Variants in ARHGAP10 observed in about 807,000 individuals in gnomAD.
The protein encoded by ARHGAP10 is Rho GTPase activating protein 10, also known as rho GTPase-activating protein 10.
In ARHGAP10, 87 loss-of-function variants were observed where a neutral mutation model predicts 108.6. The ratio of observed to expected loss-of-function variants is 0.80; its 90% confidence interval spans 0.67 to 0.96. The LOEUF is 0.96. Ranked by LOEUF, ARHGAP10 falls within the 40% of genes least tolerant of loss-of-function variation. The pLI, the probability that ARHGAP10 is intolerant of heterozygous loss-of-function variation, is 0.00. For synonymous variants in ARHGAP10, 347 were observed against 341.1 expected, an observed-to-expected ratio of 1.02 and a Z score of -0.19; for missense variants, 939 against 954.5, an observed-to-expected ratio of 0.98 and a Z score of 0.21.
At chr4:147,821,518 A>C (rs1266438380) in intron 1 of ARHGAP10, among the ~76,000 whole-genome samples, 2 of 152,172 alleles carry the variant, frequency 1.3e-5, no homozygotes, top group African/African-American at 4.8e-5. Context: ...TATTATTTTT[A>C]AAAATTGCAA....
chr4:147,908,544 T>C (rs1024282828), intron 11 of ARHGAP10, among the ~76,000 whole-genome samples: 3 of 152,238 alleles, frequency 2.0e-5, no homozygotes, highest in Admixed American at 6.5e-5. Flanking sequence ...ATGGGGACAC[T>C]GAAGGGACTG....
intron 14 of ARHGAP10, among the ~76,000 whole-genome samples, chr4:147,945,819 G>A (rs1398049287): frequency 1.3e-5 from 2 of 152,124 alleles, no homozygotes; most frequent in Non-Finnish European, 2.9e-5. Flanking sequence ...TAGACATGCG[G>A]ACACAGTGAA....
Position 147,912,582 on chromosome 4 carries a change from TATATATATATATATATAA to T in ARHGAP10, c.1163-490_1163-473del, listed in dbSNP as rs1736798519. ...ATATATATATATATATATATATATA[TATATATATATATATATAA>T]AATTCCTGTGTATATTATTTAAATA... On this transcript the variant is annotated intron_variant, in intron 12 of 22. Coordinates refer to ENST00000336498, the MANE Select transcript of ARHGAP10 (RefSeq NM_024605.4). Among the ~76,000 whole-genome samples the T allele has an allele frequency of 2.5e-5, 3 of 121,348 alleles. No homozygotes were observed. The South Asian group carries it at 7.3e-4, about 30-fold the overall frequency. The allele number at this position is 121,348 out of a possible 152,430, so 79.6% of individuals were successfully genotyped here.
chr4:148,071,977 T>G lies in ARHGAP10; in HGVS notation c.2273-16T>G. ...TGGGGGCATTTTGTAAAAGTGATTT[T>G]TCTCTTCCTTTTCAGTACAAACCTC... On this transcript the variant is annotated splice_polypyrimidine_tract_variant and intron_variant, in intron 22 of 22. Coordinates refer to ENST00000336498, the MANE Select transcript of ARHGAP10 (RefSeq NM_024605.4). The G allele has an allele frequency of 6.2e-7, 1 of 1,609,172 alleles. No homozygotes were observed. Among genetic ancestry groups the G allele is most frequent in the Non-Finnish European group, 8.5e-7 (1 of 1,177,736 alleles).
At chr4:147,953,978 T>A (rs548890146) in intron 15 of ARHGAP10, among the ~76,000 whole-genome samples, 20 of 152,194 alleles carry the variant, frequency 1.3e-4, no homozygotes, top group Non-Finnish European at 2.2e-4. Context: ...CTTTTCAGAA[T>A]ACTTTCTAAC....
In ARHGAP10 at chr4:148,063,023, C is replaced by G. The variant is rs1374251466; in HGVS notation, c.2028-125C>G. ...GCCCCGGCAGGATGCAGAGAGGACTCTGTCCCTACTGGTCAGGCATGATAG... is the reference window on the plus strand; with the variant it reads ...GCCCCGGCAGGATGCAGAGAGGACTGTGTCCCTACTGGTCAGGCATGATAG... On this transcript the variant is annotated intron_variant, in intron 20 of 22. Transcript: ENST00000336498. 6.6e-6 allele frequency: 8 copies of G among 1,205,460 alleles called. No homozygotes were observed. In the East Asian group the frequency reaches 1.6e-4, roughly 25 times the overall value. The allele number at this position is 1,205,460 out of a possible 1,614,324, so 74.7% of individuals were successfully genotyped here.
chr4:147,822,895 GA>G lies in ARHGAP10; in HGVS notation c.251del (p.Asp84ValfsTer11). ...AAATAATCACTCCTTTCTTCTTACA[GA>G]TGCTTCCTTACGTGAATTTTCAAAT... ...DAVTDDERCI[D>X]ASLREFSNFL... On this transcript the variant is annotated frameshift_variant and splice_region_variant, in exon 3 of 23. Transcript: ENST00000336498. LOFTEE classifies it high-confidence loss of function. 1 of 1,614,014 alleles carries G rather than the reference GA, an allele frequency of 6.2e-7. No individual in the cohort carries two copies.
chr4:147,962,223 C>T (rs1739025653), intron 16 of ARHGAP10, among the ~76,000 whole-genome samples: 1 of 152,226 alleles, frequency 6.6e-6, no homozygotes, highest in Non-Finnish European at 1.5e-5. Context: ...ATGTGAAACA[C>T]TGCTCGTCTC....
intron 7 of ARHGAP10, among the ~76,000 whole-genome samples, chr4:147,869,998 T>TTTTTTTTGTG (rs1553958574): frequency 1.1e-5 from 1 of 93,110 alleles, no homozygotes; most frequent in African/African-American, 4.4e-5. Flanking sequence ...AAGTCCCAGT[T>TTTTTTTTGTG]TGTGTGTGTG....
At chr4:147,927,397 A>G (rs1737504304) in intron 13 of ARHGAP10, among the ~76,000 whole-genome samples, 1 of 152,212 alleles carries the variant, frequency 6.6e-6, no homozygotes, top group African/African-American at 2.4e-5. Context: ...GATTGCTGCA[A>G]CACCTCGTGA....
chr4:147,957,499 C>T (rs996722375), intron 16 of ARHGAP10, among the ~76,000 whole-genome samples: 2 of 152,162 alleles, frequency 1.3e-5, no homozygotes, highest in Admixed American at 6.5e-5. Flanking sequence ...TGTCATTTTC[C>T]GTGAACAGTG....
intron 15 of ARHGAP10, among the ~76,000 whole-genome samples, chr4:147,952,653 A>G (rs1290524050): frequency 1.3e-5 from 2 of 152,108 alleles, no homozygotes; most frequent in Non-Finnish European, 1.5e-5. Context: ...TATTTTGAGT[A>G]CAAGTCCTTT....
At chr4:148,037,774 G>T (rs1728444442) in intron 19 of ARHGAP10, among the ~76,000 whole-genome samples, 1 of 151,554 alleles carries the variant, frequency 6.6e-6, no homozygotes, top group South Asian at 2.1e-4. Context: ...GGTGGAGGTT[G>T]CAGTGAGCCA....
At chr4:147,894,318 G>A (rs1390865057) in intron 10 of ARHGAP10, among the ~76,000 whole-genome samples, 1 of 152,102 alleles carries the variant, frequency 6.6e-6, no homozygotes, top group Non-Finnish European at 1.5e-5. Flanking sequence ...TAGAGATGTT[G>A]AGCACTTCTT....
At chr4:147,960,073 A>G (rs1738936675) in intron 16 of ARHGAP10, among the ~76,000 whole-genome samples, 1 of 152,190 alleles carries the variant, frequency 6.6e-6, no homozygotes, top group Non-Finnish European at 1.5e-5. Context: ...ATTTTTAAAA[A>G]TCAAAGCTGT....
intron 20 of ARHGAP10, among the ~76,000 whole-genome samples, chr4:148,061,392 C>T (rs1410661280): frequency 1.3e-5 from 2 of 152,072 alleles, no homozygotes; most frequent in African/African-American, 2.4e-5. Context: ...TAATTTCCTG[C>T]CAGGGCTTCA....
At chr4:147,789,959 C>T (rs977255902) in intron 1 of ARHGAP10, among the ~76,000 whole-genome samples, 11 of 141,858 alleles carry the variant, frequency 7.8e-5, no homozygotes, top group South Asian at 2.3e-4. Flanking sequence ...AAGGTGTGTT[C>T]GTAATGAACA....
intron 19 of ARHGAP10, among the ~76,000 whole-genome samples, chr4:148,030,948 T>C (rs748163266): frequency 1.3e-5 from 2 of 152,030 alleles, no homozygotes; most frequent in African/African-American, 4.8e-5. Flanking sequence ...AATCCCAGCA[T>C]GTTGGGTGGC....
chr4:147,914,313 C>A (rs1364628498), intron 13 of ARHGAP10, among the ~76,000 whole-genome samples: 1 of 152,108 alleles, frequency 6.6e-6, no homozygotes, highest in Non-Finnish European at 1.5e-5. Flanking sequence ...TCTTTTCTGG[C>A]ACCTACCTTC....
Sources: gnomAD v4.1 joint callset for allele counts (sites outside exome capture counted in the v4.1 genomes callset) on GRCh38, gnomAD v4.1.1 for gene constraint, MANE v1.5 for transcripts, NCBI Gene and HGNC (gene_info 2026-07-23, HGNC 2026-07-21) for gene names.